PABPC1L: variants seen among roughly 807,000 people sequenced by gnomAD.
PABPC1L encodes polyadenylate-binding protein 1-like.
PABPC1L carries 31 observed loss-of-function variants against 66.6 expected under a neutral mutation model. That is an observed-to-expected ratio of 0.47 (90% confidence interval 0.35 to 0.63). The LOEUF (loss-of-function observed/expected upper bound fraction) is 0.63. Ranked by LOEUF, PABPC1L falls within the 20% of genes least tolerant of loss-of-function variation. The probability of loss-of-function intolerance (pLI) is 0.00; values close to 1 mark genes in which losing one functional copy is unlikely to be tolerated. For missense variants in PABPC1L, 722 were observed against 848.8 expected (o/e 0.85, Z 1.86); for synonymous variants, 348 against 335.1 (o/e 1.04, Z -0.42).
At chr20:44,933,799 G>A (rs989096183) in intron 10 of PABPC1L, among the ~76,000 whole-genome samples, 2 of 145,890 alleles carry the variant, frequency 1.4e-5, no homozygotes, top group Admixed American at 6.9e-5. Flanking sequence ...CGCCCAGGCT[G>A]GAGAGTAATG....
chr20:44,927,054 A>AT (rs941563557), intron 7 of PABPC1L, among the ~76,000 whole-genome samples: 1 of 149,930 alleles, frequency 6.7e-6, no homozygotes, highest in African/African-American at 2.5e-5. Flanking sequence ...TTAAAAAAAA[A>AT]TTTTTTTTTG....
At chr20:44,920,061 C>T (rs575402959) in intron 5 of PABPC1L, among the ~76,000 whole-genome samples, 2 of 152,154 alleles carry the variant, frequency 1.3e-5, no homozygotes, top group African/African-American at 4.8e-5. Context: ...TCTGTATACC[C>T]CATTCCCCCA....
chr20:44,910,458 C>T, intron 1 of PABPC1L, 122 bp downstream of exon 1: 1 of 1,159,186 alleles, frequency 8.6e-7, no homozygotes, highest in Non-Finnish European at 1.2e-6. Context: ...AACTGAGGCT[C>T]AAAGATAACA....
chr20:44,914,600 C>T (rs879649574), intron 2 of PABPC1L, among the ~76,000 whole-genome samples: 1 of 152,188 alleles, frequency 6.6e-6, no homozygotes, highest in African/African-American at 2.4e-5. Context: ...AAGAGGCTAT[C>T]CCTGTGGCTC....
At position 44,939,307 on chromosome 20, in the gene PABPC1L, G is replaced by T. The variant is rs191073298; in HGVS notation, c.*188G>T. 1.5e-6 allele frequency: 1 copy of T among 688,290 alleles called. No homozygotes were observed. Among genetic ancestry groups the T allele is most frequent in the Admixed American group, 2.1e-5 (1 of 47,416 alleles). The allele number at this position is 688,290 out of a possible 1,614,324, so 42.6% of individuals were successfully genotyped here. A position where few individuals can be genotyped will look rare whatever the true frequency, so the allele number is the denominator to read the frequency against. On this transcript the variant is annotated 3_prime_UTR_variant, in exon 15 of 15. Coordinates refer to ENST00000217073, the MANE Select transcript of PABPC1L (RefSeq NM_001372179.1). ...TTTTGCTTTGTGTATTAAAAGTGCT[G>T]CAAAATCTGCCTTGCCTCCCAGGAG...
chr20:44,912,854 GT>G lies in PABPC1L; in HGVS notation c.387+2del, dbSNP rs1255274407. The G allele has an allele frequency of 6.2e-7, 1 of 1,613,022 alleles. No individual in the cohort carries two copies. The highest frequency in any genetic ancestry group is 8.5e-7 in the Non-Finnish European group (1 of 1,179,104). Reference sequence around the variant, plus strand: ...CTTTGGGAACATCCTCTCTTGCAAGGTAGAGGATGAAGGGTGTACGTCTTTG... The same window carrying G: ...CTTTGGGAACATCCTCTCTTGCAAGGAGAGGATGAAGGGTGTACGTCTTTG... On this transcript the variant is annotated splice_donor_variant, in intron 2 of 14. Coordinates refer to ENST00000217073, the MANE Select transcript of PABPC1L (RefSeq NM_001372179.1). LOFTEE classifies it high-confidence loss of function.
intron 10 of PABPC1L, among the ~76,000 whole-genome samples, chr20:44,933,647 G>T (rs113618390): frequency 6.6e-6 from 1 of 151,038 alleles, no homozygotes; most frequent in African/African-American, 2.4e-5. Context: ...GTTTCTCCAT[G>T]TTGGTCAGGT....
intron 6 of PABPC1L, among the ~76,000 whole-genome samples, chr20:44,921,951 TG>T (rs954544130): frequency 1.3e-5 from 2 of 152,170 alleles, no homozygotes; most frequent in African/African-American, 4.8e-5. Flanking sequence ...GTAGGGGTGC[TG>T]GGGACCTTTT....
In PABPC1L at chr20:44,917,625, C is replaced by A. The variant is rs574391302; in HGVS notation, c.503+754C>A. Among the ~76,000 whole-genome samples the A allele has an allele frequency of 2.5e-3, 378 of 152,214 alleles. 1 individual carries two copies. The highest frequency in any genetic ancestry group is 8.6e-3 in the African/African-American group (357 of 41,530). ...CATCCCCACTACACAGATGGGAAAA[C>A]TGAGAGGCAGATAATAGAGAGAATC... On this transcript the variant is annotated intron_variant, in intron 3 of 14. Transcript: ENST00000217073.
chr20:44,937,952 G>T (rs2066914012), intron 12 of PABPC1L, 109 bp from the exon 13 acceptor site: 2 of 1,466,118 alleles, frequency 1.4e-6, no homozygotes, highest in Admixed American at 4.4e-5. Flanking sequence ...AGAAGGAGCA[G>T]TTCTGGGAGA....
chr20:44,925,022 G>A (rs537837822), intron 7 of PABPC1L, among the ~76,000 whole-genome samples: 10 of 145,956 alleles, frequency 6.9e-5, no homozygotes, highest in South Asian at 4.2e-4. Flanking sequence ...GACCATCCTC[G>A]CTAACACGGT....
Position 44,910,139 on chromosome 20 carries a change from C to A in PABPC1L, c.-5C>A. On this transcript the variant is annotated 5_prime_UTR_variant, in exon 1 of 15. Coordinates refer to ENST00000217073, the MANE Select transcript of PABPC1L (RefSeq NM_001372179.1). ...TTGCCCCGCAGCCCCGGCCCCCTGCCCACCATGAACGCCAGCGGTTCTGGC... is the reference window on the plus strand; with the variant it reads ...TTGCCCCGCAGCCCCGGCCCCCTGCACACCATGAACGCCAGCGGTTCTGGC... The A allele has an allele frequency of 6.4e-7, 1 of 1,557,042 alleles. No homozygotes were observed. Among genetic ancestry groups the A allele is most frequent in the Non-Finnish European group, 8.7e-7 (1 of 1,150,936 alleles).
intron 8 of PABPC1L, among the ~76,000 whole-genome samples, chr20:44,931,162 T>TCCTTCTTTCCTC (rs1300174599): frequency 0.019 from 2,596 of 136,178 alleles, 63 homozygotes; most frequent in African/African-American, 0.059. Flanking sequence ...CATGGCTCCT[T>TCCTTCTTTCCTC]CCTTCTTCCC....
At chr20:44,919,989 A>G (rs1257964218) in intron 5 of PABPC1L, among the ~76,000 whole-genome samples, 1 of 152,122 alleles carries the variant, frequency 6.6e-6, no homozygotes, top group Admixed American at 6.6e-5. Flanking sequence ...TAAGTTCTTT[A>G]AGTTCTTTTT....
At chr20:44,924,845 T>C (rs1417017999) in intron 7 of PABPC1L, among the ~76,000 whole-genome samples, 1 of 152,066 alleles carries the variant, frequency 6.6e-6, no homozygotes, top group African/African-American at 2.4e-5. Context: ...GGGCAATTCT[T>C]AAATACACAC....
At chr20:44,921,754 C>T (rs746718898) in intron 6 of PABPC1L, 23 bp downstream of exon 6, 1 of 1,612,470 alleles carries the variant, frequency 6.2e-7, no homozygotes. Context: ...TTCCTGGTGG[C>T]AGCCACTTCT....
At chr20:44,927,273 C>T (rs2066816389) in intron 7 of PABPC1L, among the ~76,000 whole-genome samples, 1 of 152,024 alleles carries the variant, frequency 6.6e-6, no homozygotes, top group South Asian at 2.1e-4. Flanking sequence ...TCATGGTAAG[C>T]TCTGCATAAG....
chr20:44,915,176 T>C (rs1052596942), intron 2 of PABPC1L, among the ~76,000 whole-genome samples: 1 of 152,228 alleles, frequency 6.6e-6, no homozygotes, highest in Non-Finnish European at 1.5e-5. Context: ...CAAGTTGATA[T>C]AGTTCTGTGG....
intron 8 of PABPC1L, 53 bp downstream of exon 8, chr20:44,930,779 G>A (rs2066847122): frequency 2.5e-6 from 4 of 1,582,226 alleles, no homozygotes; most frequent in African/African-American, 2.7e-5. Flanking sequence ...CCCCAGCAAG[G>A]CAGAGCATGA....
Sources: allele counts gnomAD v4.1 joint callset (sites outside exome capture counted in the v4.1 genomes callset), GRCh38; gene constraint gnomAD v4.1.1; transcripts MANE v1.5; gene names NCBI Gene and HGNC (gene_info 2026-07-23, HGNC 2026-07-21).